GRIP1: variants seen among roughly 807,000 people sequenced by gnomAD.
The protein encoded by GRIP1 is glutamate receptor-interacting protein 1.
In GRIP1, 45 loss-of-function variants were observed where a neutral mutation model predicts 129.9. The observed-to-expected ratio is 0.35, with a 90% CI of 0.27 to 0.44. The LOEUF (loss-of-function observed/expected upper bound fraction) is 0.44. GRIP1 is among the 20% of genes least tolerant of loss of function. GRIP1 has a pLI of 1.00. For missense variants in GRIP1, 1,196 were observed against 1,396.8 expected (o/e 0.86, Z 2.29); for synonymous variants, 530 against 520.8 (o/e 1.02, Z -0.24).
At chr12:66,555,179 C>T (rs549281402) in intron 2 of GRIP1, among the ~76,000 whole-genome samples, 1 of 152,312 alleles carries the variant, frequency 6.6e-6, no homozygotes, top group Admixed American at 6.5e-5. Context: ...CACTCCTTCC[C>T]CATCTCCAGG....
At chr12:66,580,074 C>T (rs2063313368) in intron 2 of GRIP1, among the ~76,000 whole-genome samples, 1 of 149,292 alleles carries the variant, frequency 6.7e-6, no homozygotes. Context: ...AGAAACTCTA[C>T]AAGCCAGAAG....
At chr12:66,748,551 T>C (rs2037025181) in intron 1 of GRIP1, among the ~76,000 whole-genome samples, 2 of 152,220 alleles carry the variant, frequency 1.3e-5, no homozygotes, top group South Asian at 4.1e-4. Context: ...AAGTTCCAAC[T>C]AACCCCAAGC....
At chr12:66,529,434 T>C (rs1389853436) in intron 5 of GRIP1, among the ~76,000 whole-genome samples, 1 of 152,164 alleles carries the variant, frequency 6.6e-6, no homozygotes, top group East Asian at 1.9e-4. Flanking sequence ...GGTATACATA[T>C]ACAATAGAAT....
intron 1 of GRIP1, among the ~76,000 whole-genome samples, chr12:66,611,857 G>A (rs1008191318): frequency 6.6e-6 from 1 of 152,122 alleles, no homozygotes; most frequent in Non-Finnish European, 1.5e-5. Context: ...AATGCCTAAT[G>A]TTTCTAGGCT....
At chr12:66,442,226 CACCAAATCCAA>C (rs1055453031) in intron 13 of GRIP1, among the ~76,000 whole-genome samples, 74 of 152,336 alleles carry the variant, frequency 4.9e-4, no homozygotes, top group African/African-American at 1.7e-3. Context: ...CTAACTCCAT[CACCAAATCCAA>C]ACCAAATCCA....
At chr12:66,594,818 C>T (rs1408635084) in intron 2 of GRIP1, among the ~76,000 whole-genome samples, 2 of 152,200 alleles carry the variant, frequency 1.3e-5, no homozygotes, top group African/African-American at 2.4e-5. Flanking sequence ...GGTTTCACCT[C>T]TCTTTAAGTT....
At chr12:66,900,279 A>G (rs193034507) in intron 1 of GRIP1, among the ~76,000 whole-genome samples, 33 of 152,290 alleles carry the variant, frequency 2.2e-4, no homozygotes, top group African/African-American at 7.7e-4. Flanking sequence ...AGCATTTGTT[A>G]TGAATGTCTG....
chr12:66,392,841 G>C, intron 17 of GRIP1, 25 bp from the exon 18 acceptor site: 1 of 1,608,620 alleles, frequency 6.2e-7, no homozygotes, highest in South Asian at 1.1e-5. Context: ...AGTAATAGGA[G>C]AGGTAGAAAT....
At chr12:66,921,434 T>C (rs911275448) in intron 1 of GRIP1, among the ~76,000 whole-genome samples, 2 of 152,206 alleles carry the variant, frequency 1.3e-5, no homozygotes, top group East Asian at 3.8e-4. Context: ...AGCCAGACTC[T>C]TGAGCAATTT....
At chr12:66,776,741 A>G (rs1437425252) in intron 1 of GRIP1, among the ~76,000 whole-genome samples, 3 of 152,202 alleles carry the variant, frequency 2.0e-5, no homozygotes, top group African/African-American at 7.2e-5. Flanking sequence ...GCTCAAAGTG[A>G]CGCCAATAAG....
At chr12:66,994,688 G>A (rs918336373) in intron 1 of GRIP1, among the ~76,000 whole-genome samples, 19 of 152,004 alleles carry the variant, frequency 1.2e-4, no homozygotes, top group African/African-American at 3.4e-4. Context: ...AATGTTGAAC[G>A]AAATGAACAA....
intron 7 of GRIP1, among the ~76,000 whole-genome samples, chr12:66,504,450 G>A (rs201760947): frequency 6.6e-6 from 1 of 152,200 alleles, no homozygotes; most frequent in Admixed American, 6.5e-5. Context: ...CTAGTGGCTT[G>A]AATCTCACTT....
At chr12:66,444,859 G>T in intron 12 of GRIP1, 130 bp from the exon 13 acceptor site, 1 of 873,600 alleles carries the variant, frequency 1.1e-6, no homozygotes, top group Non-Finnish European at 1.9e-6. Flanking sequence ...AATGCTGTGG[G>T]CATCATATAG....
chr12:66,853,482 T>C (rs1036768081), intron 1 of GRIP1, among the ~76,000 whole-genome samples: 7 of 152,026 alleles, frequency 4.6e-5, no homozygotes, highest in Admixed American at 1.3e-4. Flanking sequence ...CTCAAGTATC[T>C]GAGGGAGCCA....
At chr12:66,524,384 C>A (rs927536553) in intron 5 of GRIP1, among the ~76,000 whole-genome samples, 5 of 152,200 alleles carry the variant, frequency 3.3e-5, no homozygotes, top group African/African-American at 1.2e-4. Context: ...TCACTCAAAA[C>A]CACTCAACTA....
chr12:66,529,511 T>C lies in GRIP1; in HGVS notation c.502+320A>G, dbSNP rs148137003. 3.7e-3 allele frequency among the ~76,000 whole-genome samples: 570 copies of C among 152,322 alleles called. 4 individuals carry two copies. The highest frequency in any genetic ancestry group is 0.013 in the African/African-American group (545 of 41,566). On this transcript the variant is annotated intron_variant, in intron 5 of 24. Coordinates refer to ENST00000359742, the MANE Select transcript of GRIP1 (RefSeq NM_001366722.1). ...GCAATCTGGATGGAATTGGAGACCA[T>C]TATTTTAAGTGAAGTAACTCAGGAA...
chr12:66,725,246 TGA>T (rs139648198), intron 1 of GRIP1, among the ~76,000 whole-genome samples: 2,430 of 152,084 alleles, frequency 0.016, 21 homozygotes, highest in Non-Finnish European at 0.027. Flanking sequence ...AAGGTTGCAG[TGA>T]GTCATGATCA....
At chr12:66,392,636 CA>C (rs1565693970) in intron 18 of GRIP1, 40 bp downstream of exon 18, 2 of 1,610,080 alleles carry the variant, frequency 1.2e-6, no homozygotes, top group Admixed American at 3.3e-5. Context: ...GAAGAAAATG[CA>C]CTGGAAATCC....
intron 1 of GRIP1, among the ~76,000 whole-genome samples, chr12:66,612,634 AAAAC>A (rs565492229): frequency 1.1e-4 from 16 of 150,942 alleles, no homozygotes; most frequent in African/African-American, 3.9e-4. Context: ...GACCCTGTTC[AAAAC>A]AAACAAACCA....
Sources: gnomAD v4.1 joint callset for allele counts (sites outside exome capture counted in the v4.1 genomes callset) on GRCh38, gnomAD v4.1.1 for gene constraint, MANE v1.5 for transcripts, NCBI Gene and HGNC (gene_info 2026-07-23, HGNC 2026-07-21) for gene names.